Variants in PDE4D observed in about 807,000 individuals in gnomAD.
The protein encoded by PDE4D is phosphodiesterase 4D.
Under a neutral mutation model 87.4 loss-of-function variants are expected in PDE4D, and 24 were observed. The ratio of observed to expected loss-of-function variants is 0.27; its 90% CI spans 0.20 to 0.39. The LOEUF (loss-of-function observed/expected upper bound fraction) is 0.39. PDE4D is among the 10% of genes least tolerant of loss of function. The pLI is 1.00. For synonymous variants in PDE4D, 384 were observed against 383.2 expected, an observed-to-expected ratio of 1.00 and a Z score of -0.02; for missense variants, 714 against 1,041.0, an observed-to-expected ratio of 0.69 and a Z score of 4.32.
At chr5:59,798,291 T>C (rs1561679422) in intron 1 of PDE4D, among the ~76,000 whole-genome samples, 1 of 150,248 alleles carries the variant, frequency 6.7e-6, no homozygotes, top group African/African-American at 2.5e-5. Flanking sequence ...TGTGTGTGTG[T>C]GTGTGTTTGT....
intron 1 of PDE4D, among the ~76,000 whole-genome samples, chr5:59,364,932 C>T (rs967924164): frequency 3.3e-5 from 5 of 151,818 alleles, no homozygotes; most frequent in African/African-American, 1.2e-4. Flanking sequence ...TTAGCATCAC[C>T]TCACATGTCC....
chr5:60,115,960 T>C (rs1376352270), intron 2 of PDE4D, among the ~76,000 whole-genome samples: 1 of 152,118 alleles, frequency 6.6e-6, no homozygotes, highest in East Asian at 1.9e-4. Context: ...TGTGCTCAAT[T>C]CTTTGCTCAC....
chr5:59,797,398 G>A (rs1443218345), intron 1 of PDE4D, among the ~76,000 whole-genome samples: 1 of 152,218 alleles, frequency 6.6e-6, no homozygotes, highest in South Asian at 2.1e-4. Context: ...GGACCAGCTC[G>A]TTAGATGCTT....
At chr5:59,836,590 A>G (rs1235659540) in intron 1 of PDE4D, among the ~76,000 whole-genome samples, 1 of 151,022 alleles carries the variant, frequency 6.6e-6, no homozygotes, top group Non-Finnish European at 1.5e-5. Context: ...TATACTCACT[A>G]CTTTTTCTGT....
intron 1 of PDE4D, among the ~76,000 whole-genome samples, chr5:60,318,177 G>T (rs934212889): frequency 2.0e-5 from 3 of 152,142 alleles, no homozygotes; most frequent in African/African-American, 7.2e-5. Context: ...CCTGTATTAG[G>T]TGCATATATA....
chr5:60,460,038 C>A, intron 1 of PDE4D: 2 of 1,487,924 alleles, frequency 1.3e-6, no homozygotes, highest in Non-Finnish European at 1.9e-6. Flanking sequence ...ATGAGTTTGA[C>A]CAAATATCAT....
chr5:60,330,573 T>A (rs891400499), intron 1 of PDE4D, among the ~76,000 whole-genome samples: 2 of 152,080 alleles, frequency 1.3e-5, no homozygotes, highest in East Asian at 3.9e-4. Context: ...CCCACACACA[T>A]GGAAGAACTA....
At chr5:59,933,224 T>G (rs1756170938) in intron 3 of PDE4D, among the ~76,000 whole-genome samples, 1 of 152,234 alleles carries the variant, frequency 6.6e-6, no homozygotes, top group Non-Finnish European at 1.5e-5. Flanking sequence ...CATTACAGTT[T>G]GAGAAGATAC....
rs566189973 is a variant in PDE4D, at chr5:59,279,126, T to C, written c.456-63158A>G. ...TATTTTCAGATTACAATAGATATTC[T>C]ATACTTTCCAATCTATCATGAGCAT... On this transcript the variant is annotated intron_variant, in intron 1 of 14. Coordinates refer to ENST00000340635, the MANE Select transcript of PDE4D (RefSeq NM_001104631.2). Among the ~76,000 whole-genome samples, 167 of 152,278 alleles carry C rather than the reference T, an allele frequency of 1.1e-3. 1 individual carries two copies. The highest frequency in any genetic ancestry group is 3.9e-3 in the African/African-American group (161 of 41,580).
chr5:60,128,027 G>C (rs1779258234), intron 2 of PDE4D, among the ~76,000 whole-genome samples: 1 of 152,186 alleles, frequency 6.6e-6, no homozygotes, highest in Non-Finnish European at 1.5e-5. Flanking sequence ...AAGAGGTCCT[G>C]TGAGGACATG....
intron 2 of PDE4D, among the ~76,000 whole-genome samples, chr5:60,041,337 C>T (rs1326011322): frequency 1.3e-5 from 2 of 152,190 alleles, no homozygotes; most frequent in Non-Finnish European, 2.9e-5. Flanking sequence ...CACTTCTTGT[C>T]ATGTTTCAAT....
intron 1 of PDE4D, among the ~76,000 whole-genome samples, chr5:59,440,000 T>C (rs1261513356): frequency 2.0e-5 from 3 of 152,186 alleles, no homozygotes; most frequent in African/African-American, 7.2e-5. Flanking sequence ...AATAATCCAA[T>C]GAAGCTAACG....
chr5:60,190,624 A>G (rs2149520060), intron 1 of PDE4D, among the ~76,000 whole-genome samples: 1 of 152,330 alleles, frequency 6.6e-6, no homozygotes, highest in Non-Finnish European at 1.5e-5. Context: ...GCCTAAGGTC[A>G]TAGAACTGCC....
At chr5:59,307,754 C>T (rs1339012949) in intron 1 of PDE4D, among the ~76,000 whole-genome samples, 1 of 152,062 alleles carries the variant, frequency 6.6e-6, no homozygotes, top group East Asian at 1.9e-4. Flanking sequence ...TACTTTTACA[C>T]TGTTGGTGGG....
At chr5:59,751,106 C>T (rs1580869872) in intron 1 of PDE4D, among the ~76,000 whole-genome samples, 1 of 152,084 alleles carries the variant, frequency 6.6e-6, no homozygotes, top group East Asian at 1.9e-4. Flanking sequence ...TGACTCTCAC[C>T]TTGGTGAGCT....
intron 1 of PDE4D, among the ~76,000 whole-genome samples, chr5:59,461,260 A>C (rs1418976281): frequency 1.3e-5 from 2 of 152,210 alleles, no homozygotes; most frequent in Non-Finnish European, 2.9e-5. Context: ...CATGTATCAA[A>C]AATCTAAATA....
chr5:59,860,899 C>T (rs1285813022), intron 1 of PDE4D, among the ~76,000 whole-genome samples: 1 of 151,400 alleles, frequency 6.6e-6, no homozygotes, highest in Non-Finnish European at 1.5e-5. Flanking sequence ...CGCTCTGTTG[C>T]CCAGGCTGGA....
chr5:59,639,812 A>AGTGTGTGT lies in PDE4D; in HGVS notation c.455+253348_455+253355dup, dbSNP rs70975323. 2.0e-3 allele frequency among the ~76,000 whole-genome samples: 292 copies of AGTGTGTGT among 143,706 alleles called. 1 individual carries two copies. Among genetic ancestry groups the AGTGTGTGT allele is most frequent in the African/African-American group, 6.5e-3 (248 of 38,136 alleles). 94.3% of individuals were successfully genotyped at this position (143,706 alleles called of 152,430 possible). The stretch of plus-strand genomic sequence containing the variant: ...TGCCAATTTTAAATATAGTGTCTAT[A>AGTGTGTGT]GTGTGTGTGTGTGTGTGTGTGTGTG... On this transcript the variant is annotated intron_variant, in intron 1 of 14. Transcript: ENST00000340635.
At chr5:59,377,757 A>C (rs1427857018) in intron 1 of PDE4D, among the ~76,000 whole-genome samples, 1 of 152,232 alleles carries the variant, frequency 6.6e-6, no homozygotes, top group African/African-American at 2.4e-5. Context: ...AATGCAAATC[A>C]AAACCACAAT....
Sources: gnomAD v4.1 joint callset for allele counts (sites outside exome capture counted in the v4.1 genomes callset) on GRCh38, gnomAD v4.1.1 for gene constraint, MANE v1.5 for transcripts, NCBI Gene and HGNC (gene_info 2026-07-23, HGNC 2026-07-21) for gene names.